IGBP1: variants seen among roughly 807,000 people sequenced by gnomAD.
The protein encoded by IGBP1 is immunoglobulin binding protein 1.
A neutral mutation model predicts 25.9 loss-of-function variants in IGBP1; 2 were observed. The observed-to-expected ratio is 0.08, with a 90% CI of 0.03 to 0.24. The LOEUF is 0.24. Among genes scored for constraint, IGBP1 ranks in the 10% least tolerant of loss-of-function variants. The pLI is 1.00. For missense variants in IGBP1, 187 were observed against 260.4 expected (o/e 0.72, Z 1.94); for synonymous variants, 96 against 93.4 (o/e 1.03, Z -0.16).
At chrX:70,161,698 A>G (rs1359195572) in intron 6 of IGBP1, among the ~76,000 whole-genome samples, 1 of 112,100 alleles carries the variant, frequency 8.9e-6, no homozygotes. Flanking sequence ...TTATACTAAA[A>G]TATTGAATAT....
intron 3 of IGBP1, among the ~76,000 whole-genome samples, chrX:70,136,331 T>C (rs976232440): frequency 3.6e-5 from 4 of 112,175 alleles, no homozygotes; most frequent in Non-Finnish European, 7.5e-5. Flanking sequence ...TATTCAACAC[T>C]TTATTATAAA....
At chrX:70,139,510 G>C (rs2085117840) in intron 3 of IGBP1, among the ~76,000 whole-genome samples, 2 of 110,608 alleles carry the variant, frequency 1.8e-5, no homozygotes, top group African/African-American at 6.6e-5. Flanking sequence ...CTGACCTTCA[G>C]ACCCATACTT....
At chrX:70,158,747 G>C (rs1192978350) in intron 6 of IGBP1, among the ~76,000 whole-genome samples, 6 of 111,764 alleles carry the variant, frequency 5.4e-5, no homozygotes, top group African/African-American at 2.0e-4. Context: ...GGAGGCTGAG[G>C]CAGGAGAATT....
At chrX:70,154,616 C>T (rs1324867619) in intron 6 of IGBP1, among the ~76,000 whole-genome samples, 2 of 100,570 alleles carry the variant, frequency 2.0e-5, no homozygotes, top group African/African-American at 7.4e-5. Flanking sequence ...TGGTGGCTCA[C>T]ACCGGTAATC....
chrX:70,146,053 A>G (rs1173133828), intron 3 of IGBP1, among the ~76,000 whole-genome samples: 2 of 111,974 alleles, frequency 1.8e-5, no homozygotes, highest in Non-Finnish European at 3.8e-5. Flanking sequence ...CTCAGTAGAC[A>G]TTTGTCAGAT....
intron 2 of IGBP1, 50 bp from the exon 3 acceptor site, chrX:70,134,473 A>G (rs2085082907): frequency 8.6e-7 from 1 of 1,168,685 alleles, no homozygotes; most frequent in Non-Finnish European, 1.2e-6. Flanking sequence ...AGCAAGGGCC[A>G]CAATTTGAAT....
chrX:70,145,735 G>A (rs1372219748), intron 3 of IGBP1, among the ~76,000 whole-genome samples: 4 of 111,460 alleles, frequency 3.6e-5, no homozygotes, highest in Admixed American at 9.6e-5. Context: ...CACAGCCCTC[G>A]TATTTGCTTT....
intron 6 of IGBP1, among the ~76,000 whole-genome samples, chrX:70,155,646 A>T (rs2085235671): frequency 9.0e-6 from 1 of 111,522 alleles, no homozygotes; most frequent in African/African-American, 3.3e-5. Flanking sequence ...CAGATTTGGG[A>T]TGCTCAACCA....
chrX:70,162,670 G>A (rs1175862704), intron 6 of IGBP1, among the ~76,000 whole-genome samples: 4 of 112,402 alleles, frequency 3.6e-5, no homozygotes, highest in African/African-American at 1.3e-4. Flanking sequence ...GATTTAAATA[G>A]TTTTTTAAAA....
intron 6 of IGBP1, among the ~76,000 whole-genome samples, chrX:70,151,738 C>T (rs769842199): frequency 4.6e-5 from 5 of 109,760 alleles, no homozygotes; most frequent in Non-Finnish European, 7.6e-5. Flanking sequence ...ACCAGCCGAG[C>T]GTAGTGGTAT....
intron 6 of IGBP1, among the ~76,000 whole-genome samples, chrX:70,153,437 A>G (rs2085215661): frequency 8.9e-6 from 1 of 111,964 alleles, no homozygotes; most frequent in South Asian, 3.7e-4. Context: ...AGTTTTTAAA[A>G]ACTATACGTA....
At position 70,166,004 on chromosome X, in the gene IGBP1, T is replaced by G; in HGVS notation, c.*23T>G. 8.3e-7 allele frequency: 1 copy of G among 1,207,536 alleles called. No homozygotes were observed. Among genetic ancestry groups the G allele is most frequent in the Non-Finnish European group, 1.1e-6 (1 of 892,066 alleles). On this transcript the variant is annotated 3_prime_UTR_variant, in exon 7 of 7. Transcript: ENST00000356413. Reference sequence around the variant, plus strand: ...TGATCTTCCCACAACACCACAGGACTGCAGGGTGCACAACTCCCCTGCCAA... The same window carrying G: ...TGATCTTCCCACAACACCACAGGACGGCAGGGTGCACAACTCCCCTGCCAA...
At chrX:70,154,293 C>T (rs1269715481) in intron 6 of IGBP1, among the ~76,000 whole-genome samples, 6 of 106,139 alleles carry the variant, frequency 5.7e-5, no homozygotes, top group Admixed American at 3.1e-4. Flanking sequence ...AGGATAGTCT[C>T]GATCTCCTGA....
chrX:70,136,060 A>C (rs765019683), intron 3 of IGBP1, among the ~76,000 whole-genome samples: 25 of 111,914 alleles, frequency 2.2e-4, no homozygotes, highest in African/African-American at 6.5e-4. Flanking sequence ...AAACACTCAA[A>C]GTCAACTATT....
chrX:70,158,914 T>C (rs1379708913), intron 6 of IGBP1, among the ~76,000 whole-genome samples: 1 of 111,654 alleles, frequency 9.0e-6, no homozygotes, highest in African/African-American at 3.3e-5. Flanking sequence ...GATTGTGAAA[T>C]ACAGCACAAA....
rs1247924231 is a variant in IGBP1 at position 70,154,233 on chromosome X, A to AT, written c.871+3923dup. 1.4e-3 allele frequency among the ~76,000 whole-genome samples: 140 copies of AT among 100,537 alleles called. 4 individuals are homozygous for AT. The East Asian group carries it at 0.032, about 23-fold the overall frequency. 87.3% of individuals were successfully genotyped at this position (100,537 alleles called of 115,157 possible). The stretch of plus-strand genomic sequence containing the variant: ...AGGCGCCCGCCATCACACCCGGCTA[A>AT]TTTTTTTTTTTTGTATTTTTAGTAG... On this transcript the variant is annotated intron_variant, in intron 6 of 6. Coordinates refer to ENST00000356413, the MANE Select transcript of IGBP1 (RefSeq NM_001551.3).
chrX:70,152,815 A>G (rs1167177594), intron 6 of IGBP1, among the ~76,000 whole-genome samples: 1 of 112,219 alleles, frequency 8.9e-6, no homozygotes, highest in Non-Finnish European at 1.9e-5. Flanking sequence ...AAAAGATTGG[A>G]TAAAAGTAAG....
At chrX:70,154,227 C>T (rs970058776) in intron 6 of IGBP1, among the ~76,000 whole-genome samples, 9 of 108,073 alleles carry the variant, frequency 8.3e-5, no homozygotes, top group Non-Finnish European at 1.7e-4. Context: ...CCATCACACC[C>T]GGCTAATTTT....
intron 6 of IGBP1, among the ~76,000 whole-genome samples, chrX:70,161,675 C>T (rs2085271652): frequency 8.9e-6 from 1 of 112,196 alleles, no homozygotes. Context: ...AATCATCTAA[C>T]ACAAAGCCTA....
Sources: allele counts gnomAD v4.1 joint callset (sites outside exome capture counted in the v4.1 genomes callset), GRCh38; gene constraint gnomAD v4.1.1; transcripts MANE v1.5; gene names NCBI Gene and HGNC (gene_info 2026-07-23, HGNC 2026-07-21).